The following IFT88 variants were observed in gnomAD, a reference collection of about 807,000 sequenced individuals.
The protein encoded by IFT88 is intraflagellar transport protein 88 homolog.
IFT88 carries 74 observed loss-of-function variants against 119.5 expected under a neutral mutation model. That is an observed-to-expected ratio of 0.62 (90% CI 0.51 to 0.75). The LOEUF (loss-of-function observed/expected upper bound fraction) is 0.75, where lower values mean the gene tolerates loss of function less well. Among genes scored for constraint, IFT88 ranks in the 30% least tolerant of loss-of-function variants. The pLI is 0.00. For synonymous variants in IFT88, 279 were observed against 316.7 expected (o/e 0.88, Z 1.26); for missense variants, 961 against 977.7 (o/e 0.98, Z 0.23).
intron 20 of IFT88, among the ~76,000 whole-genome samples, chr13:20,646,463 C>G (rs557456114): frequency 1.1e-5 from 1 of 89,980 alleles, no homozygotes; most frequent in Non-Finnish European, 2.3e-5. Context: ...CCACTGCACC[C>G]GGCTAATTTT....
Position 20,567,243 on chromosome 13 carries a change from T to A in IFT88, c.-20T>A, listed in dbSNP as rs1426131733. 6.6e-6 allele frequency: 1 copy of A among 152,258 alleles called. No individual in the cohort carries two copies. The highest frequency in any genetic ancestry group is 6.5e-5 in the Admixed American group (1 of 15,286). The allele number at this position is 152,258 out of a possible 1,614,324, so 9.4% of individuals were successfully genotyped here. On this transcript the variant is annotated 5_prime_UTR_variant, in exon 1 of 26. Transcript: ENST00000351808. ...TGGGCCCGAATAACTGTCGCCCGCTTCCCTCAGCGTGAGGTAGGAGAAGGG... is the reference window on the plus strand; with the variant it reads ...TGGGCCCGAATAACTGTCGCCCGCTACCCTCAGCGTGAGGTAGGAGAAGGG...
At chr13:20,615,721 C>T (rs1594240337) in intron 13 of IFT88, 72 bp from the exon 14 acceptor site, 2 of 796,894 alleles carry the variant, frequency 2.5e-6, no homozygotes, top group Non-Finnish European at 3.9e-6. Flanking sequence ...AATGTTTACA[C>T]TTAAATTTTA....
intron 1 of IFT88, among the ~76,000 whole-genome samples, chr13:20,573,264 G>A (rs77362548): frequency 2.8e-5 from 4 of 141,530 alleles, no homozygotes; most frequent in Non-Finnish European, 6.2e-5. Context: ...ACTAATCAAC[G>A]TTATTTTTTT....
intron 23 of IFT88, among the ~76,000 whole-genome samples, chr13:20,667,433 TGGGCAG>T (rs1442997238): frequency 6.6e-6 from 1 of 152,118 alleles, no homozygotes; most frequent in East Asian, 1.9e-4. Context: ...CCTGAGAGTG[TGGGCAG>T]GAATTCCCTG....
intron 2 of IFT88, among the ~76,000 whole-genome samples, 200 bp from the exon 3 acceptor site, chr13:20,582,757 T>G (rs909050795): frequency 1.3e-5 from 2 of 152,170 alleles, no homozygotes; most frequent in Admixed American, 1.3e-4. Context: ...ACATGACCGG[T>G]ACTCCTCATT....
chr13:20,660,080 G>T (rs1315723527), intron 22 of IFT88, among the ~76,000 whole-genome samples: 1 of 152,166 alleles, frequency 6.6e-6, no homozygotes, highest in Admixed American at 6.5e-5. Flanking sequence ...CGTGGAACTT[G>T]TTTCTAGTGG....
intron 1 of IFT88, among the ~76,000 whole-genome samples, chr13:20,572,831 A>G (rs1410203670): frequency 6.6e-6 from 1 of 152,148 alleles, no homozygotes; most frequent in East Asian, 1.9e-4. Flanking sequence ...TTCTACCGCA[A>G]ATTAGCTTTG....
chr13:20,573,546 C>G (rs1160649063), intron 1 of IFT88, among the ~76,000 whole-genome samples: 1 of 152,092 alleles, frequency 6.6e-6, no homozygotes, highest in Non-Finnish European at 1.5e-5. Context: ...TTTCATTCCT[C>G]TTGAGTAAAT....
chr13:20,662,694 C>T (rs920005102), intron 22 of IFT88, among the ~76,000 whole-genome samples: 12 of 152,074 alleles, frequency 7.9e-5, no homozygotes, highest in South Asian at 2.1e-4. Context: ...GTAATTTAGA[C>T]CACAAATGGC....
chr13:20,597,043 G>C lies in IFT88; in HGVS notation c.518G>C (p.Arg173Thr), dbSNP rs1555261860. 3.7e-6 allele frequency: 6 copies of C among 1,606,126 alleles called. No homozygotes were observed. Among genetic ancestry groups the C allele is most frequent in the Non-Finnish European group, 5.1e-6 (6 of 1,176,406 alleles). ...LALEKAKDAG[R>T]KERVLVRQRE... The stretch of plus-strand genomic sequence containing the variant: ...TTAGAAAAGGCAAAAGATGCAGGAA[G>C]AAAAGAGAGAGTCCTGGTGAGACAG... Residue 173 changes from arginine to threonine, a missense_variant, in exon 9 of 26, where the codon AGA becomes ACA. Arg to Thr is a moderately conservative substitution (Grantham distance 71, BLOSUM62 -1). Transcript: ENST00000351808.
intron 15 of IFT88, among the ~76,000 whole-genome samples, chr13:20,627,451 C>T (rs116750087): frequency 0.02 from 2,969 of 151,918 alleles, 107 homozygotes; most frequent in African/African-American, 0.067. Context: ...GTTAAGAGGC[C>T]GGGCGTGGTG....
Position 20,644,840 on chromosome 13 carries a change from C to T in IFT88, c.1834-3C>T, listed in dbSNP as rs765448904. ...ATTGTTACATTCCATATTTGTTTTA[C>T]AGTCATATAGGTATTTTCCTTGTAA... On this transcript the variant is annotated splice_polypyrimidine_tract_variant and splice_region_variant and intron_variant, in intron 19 of 25. Coordinates refer to ENST00000351808, the MANE Select transcript of IFT88 (RefSeq NM_006531.5). 7.6e-6 allele frequency: 10 copies of T among 1,315,492 alleles called. No homozygotes were observed. The highest frequency in any genetic ancestry group is 1.5e-5 in the African/African-American group (1 of 68,316). The allele number at this position is 1,315,492 out of a possible 1,614,324, so 81.5% of individuals were successfully genotyped here.
At chr13:20,612,942 C>CT (rs2044843607) in intron 13 of IFT88, among the ~76,000 whole-genome samples, 2 of 152,074 alleles carry the variant, frequency 1.3e-5, no homozygotes, top group African/African-American at 4.8e-5. Flanking sequence ...CAAAAATTAA[C>CT]TAAAATGAAC....
At chr13:20,658,319 G>A (rs767032197) in intron 22 of IFT88, among the ~76,000 whole-genome samples, 10 of 152,004 alleles carry the variant, frequency 6.6e-5, no homozygotes, top group African/African-American at 9.7e-5. Flanking sequence ...CTCTTCAAGC[G>A]ATTCTCTTGC....
chr13:20,644,147 G>A (rs1238768159), intron 19 of IFT88, among the ~76,000 whole-genome samples: 2 of 152,062 alleles, frequency 1.3e-5, no homozygotes, highest in African/African-American at 4.8e-5. Flanking sequence ...TGAGAGGATT[G>A]CTTAAGACCA....
At chr13:20,633,191 C>T (rs2048467278) in intron 16 of IFT88, among the ~76,000 whole-genome samples, 1 of 152,110 alleles carries the variant, frequency 6.6e-6, no homozygotes, top group Non-Finnish European at 1.5e-5. Flanking sequence ...AAAGAAATAA[C>T]CGAGACTGGG....
chr13:20,588,385 A>C (rs922934865), intron 3 of IFT88, among the ~76,000 whole-genome samples: 1 of 151,876 alleles, frequency 6.6e-6, no homozygotes. Context: ...ATATGTACCC[A>C]CTTCTGAGTT....
At chr13:20,568,084 A>G (rs2035296509) in intron 1 of IFT88, 4 of 701,926 alleles carry the variant, frequency 5.7e-6, no homozygotes, top group Non-Finnish European at 1.0e-5. Flanking sequence ...GCCACATTCA[A>G]AGCCGTCCTG....
chr13:20,669,873 C>T (rs1300887249), intron 23 of IFT88, among the ~76,000 whole-genome samples: 1 of 151,946 alleles, frequency 6.6e-6, no homozygotes, highest in Non-Finnish European at 1.5e-5. Context: ...TCTATGAAGG[C>T]AAGGAGAAAG....
Sources: allele counts gnomAD v4.1 joint callset (sites outside exome capture counted in the v4.1 genomes callset), GRCh38; gene constraint gnomAD v4.1.1; transcripts MANE v1.5; gene names NCBI Gene and HGNC (gene_info 2026-07-23, HGNC 2026-07-21).